The following PCMTD1 variants were observed in gnomAD, a reference collection of about 807,000 sequenced individuals.
PCMTD1 encodes protein-L-isoaspartate O-methyltransferase domain-containing protein 1.
A neutral mutation model predicts 37.6 loss-of-function variants in PCMTD1; 12 were observed. The observed-to-expected ratio is 0.32, with a 90% CI of 0.20 to 0.52. The LOEUF (loss-of-function observed/expected upper bound fraction) is 0.52. Ranked by LOEUF, PCMTD1 falls within the 20% of genes least tolerant of loss-of-function variation. PCMTD1 has a pLI of 0.97. For synonymous variants in PCMTD1, 117 were observed against 135.8 expected (o/e 0.86, Z 0.96); for missense variants, 235 against 421.3 (o/e 0.56, Z 3.87).
At chr8:51,822,948 CACTGTAATTATGTTCTTCCTTTGCCAAT>C (rs1258999956) in intron 5 of PCMTD1, among the ~76,000 whole-genome samples, 3 of 152,222 alleles carry the variant, frequency 2.0e-5, no homozygotes, top group South Asian at 2.1e-4. Context: ...TCTCTGTCAA[CACTGTAATTATGTTCTTCCTTTGCCAAT>C]ACTGTAATTA....
At chr8:51,883,853 C>T (rs369276392) in intron 1 of PCMTD1, among the ~76,000 whole-genome samples, 1 of 152,134 alleles carries the variant, frequency 6.6e-6, no homozygotes, top group African/African-American at 2.4e-5. Flanking sequence ...TTTGCATTTA[C>T]AAAAACAAAG....
intron 1 of PCMTD1, chr8:51,895,938 CTTTTTTTTTTTT>C (rs869265261): frequency 0.02 from 526 of 25,782 alleles, 7 homozygotes; most frequent in African/African-American, 0.028. Context: ...TGTCCCATTT[CTTTTTTTTTTTT>C]TTTTTTTTTT....
chr8:51,886,202 C>T (rs2038862466), intron 1 of PCMTD1, among the ~76,000 whole-genome samples: 1 of 152,172 alleles, frequency 6.6e-6, no homozygotes, highest in Non-Finnish European at 1.5e-5. Flanking sequence ...TTTTTCCTTT[C>T]CCCTGTTCGA....
chr8:51,820,228 T>C lies in PCMTD1; in HGVS notation c.*123A>G, dbSNP rs552333938. On this transcript the variant is annotated 3_prime_UTR_variant, in exon 6 of 6. Transcript: ENST00000522514. ...CATTTGTGTTACTGACAGAAACAAG[T>C]GATTTTTTTTCCACTATAATTTGCT... 6,942 of 549,896 alleles carry C rather than the reference T, an allele frequency of 0.013. 62 individuals carry two copies. Among genetic ancestry groups the C allele is most frequent in the Non-Finnish European group, 0.014 (5,499 of 391,350 alleles). The allele number at this position is 549,896 out of a possible 1,614,324, so 34.1% of individuals were successfully genotyped here.
chr8:51,828,585 C>G, intron 5 of PCMTD1, among the ~76,000 whole-genome samples: 1 of 152,140 alleles, frequency 6.6e-6, no homozygotes, highest in Non-Finnish European at 1.5e-5. Flanking sequence ...ACTTTTGCAA[C>G]CAAAGTAAGG....
At chr8:51,870,105 G>C (rs1009863188) in intron 1 of PCMTD1, 5 of 152,350 alleles carry the variant, frequency 3.3e-5, no homozygotes, top group Non-Finnish European at 5.9e-5. Context: ...GATGTTGCAA[G>C]GTGGGAGGAG....
chr8:51,896,841 G>A (rs1422637168), intron 1 of PCMTD1, among the ~76,000 whole-genome samples: 1 of 146,016 alleles, frequency 6.8e-6, no homozygotes, highest in Admixed American at 7.1e-5. Context: ...GAAAACACAG[G>A]TTCTTGGATT....
intron 1 of PCMTD1, among the ~76,000 whole-genome samples, chr8:51,895,096 T>C (rs2038981966): frequency 1.3e-5 from 2 of 152,130 alleles, no homozygotes; most frequent in African/African-American, 4.8e-5. Context: ...CACGGATCTG[T>C]GTGGGATTGC....
In PCMTD1 at chr8:51,819,231, G is replaced by GATT. The variant is rs1177029184; in HGVS notation, c.*1117_*1119dup. 1 of 151,982 alleles carries GATT rather than the reference G, an allele frequency of 6.6e-6. No homozygotes were observed. The highest frequency in any genetic ancestry group is 2.4e-5 in the African/African-American group (1 of 41,388). 9.4% of individuals were successfully genotyped at this position (151,982 alleles called of 1,614,324 possible). On this transcript the variant is annotated 3_prime_UTR_variant, in exon 6 of 6. Transcript: ENST00000522514. ...AAATGAACATGGCATAGGTCCCAAA[G>GATT]ATTACACTATGATTCTGAACAGCAT...
chr8:51,890,001 A>C (rs1469730339), intron 1 of PCMTD1, among the ~76,000 whole-genome samples: 1 of 88,074 alleles, frequency 1.1e-5, no homozygotes, highest in Admixed American at 1.1e-4. Context: ...GTCCTTAACA[A>C]AAAAAAAAAA....
chr8:51,832,273 CAAAAT>C (rs1377153205), intron 4 of PCMTD1, among the ~76,000 whole-genome samples: 1 of 152,064 alleles, frequency 6.6e-6, no homozygotes, highest in African/African-American at 2.4e-5. Context: ...TAAAGAAAAA[CAAAAT>C]AAAAAACAAA....
At chr8:51,827,221 A>G in intron 5 of PCMTD1, 1 of 1,131,898 alleles carries the variant, frequency 8.8e-7, no homozygotes, top group African/African-American at 1.6e-5. Flanking sequence ...TTAGAAATTC[A>G]CATAATTCCT....
chr8:51,892,636 T>C (rs561889121), intron 1 of PCMTD1, among the ~76,000 whole-genome samples: 11 of 152,376 alleles, frequency 7.2e-5, no homozygotes, highest in Admixed American at 3.9e-4. Flanking sequence ...GTAGGGAATA[T>C]AGTTAAATCA....
chr8:51,834,404 C>T (rs937402419), intron 3 of PCMTD1, among the ~76,000 whole-genome samples: 25 of 152,064 alleles, frequency 1.6e-4, no homozygotes, highest in Non-Finnish European at 2.9e-5. Flanking sequence ...TCATGGTACA[C>T]GGAGTTATGC....
chr8:51,820,767 TTATC>T (rs764007728), intron 5 of PCMTD1, 49 bp from the exon 6 acceptor site: 29 of 1,416,974 alleles, frequency 2.0e-5, no homozygotes, highest in Middle Eastern at 3.7e-4. Context: ...CAATAAAACA[TTATC>T]TATTGTTTAT....
chr8:51,841,466 G>C (rs2129279259), intron 3 of PCMTD1, among the ~76,000 whole-genome samples: 2 of 152,210 alleles, frequency 1.3e-5, no homozygotes, highest in Middle Eastern at 6.8e-3. Context: ...ACGAATATAG[G>C]ATCTATTGGC....
At chr8:51,893,582 T>C (rs533216766) in intron 1 of PCMTD1, among the ~76,000 whole-genome samples, 123 of 152,334 alleles carry the variant, frequency 8.1e-4, no homozygotes, top group African/African-American at 2.4e-3. Flanking sequence ...TTAGAAAACT[T>C]GTCTGACTCA....
chr8:51,850,118 G>T (rs1031024062), intron 2 of PCMTD1: 1 of 701,956 alleles, frequency 1.4e-6, no homozygotes, highest in African/African-American at 1.7e-5. Context: ...TAGATTAAAG[G>T]TCAGATGTCT....
At chr8:51,898,824 C>T in intron 1 of PCMTD1, 106 bp downstream of exon 1, 1 of 1,104,172 alleles carries the variant, frequency 9.1e-7, no homozygotes, top group Non-Finnish European at 1.1e-6. Flanking sequence ...CGGCTGCCGT[C>T]CCCCTGGCCC....
Sources: allele counts gnomAD v4.1 joint callset (sites outside exome capture counted in the v4.1 genomes callset), GRCh38; gene constraint gnomAD v4.1.1; transcripts MANE v1.5; gene names NCBI Gene and HGNC (gene_info 2026-07-23, HGNC 2026-07-21).